Variants in SMCO3 observed in about 807,000 individuals in gnomAD.
The protein encoded by SMCO3 is single-pass membrane and coiled-coil domain-containing protein 3.
In SMCO3, 6 loss-of-function variants were observed where a neutral mutation model predicts 12.0. The ratio of observed to expected loss-of-function variants is 0.50; its 90% CI spans 0.27 to 0.99. The LOEUF (loss-of-function observed/expected upper bound fraction) is 0.99, where lower values mean the gene tolerates loss of function less well. SMCO3 is among the 50% of genes least tolerant of loss of function. The pLI is 0.11. For missense variants in SMCO3, 279 were observed against 265.0 expected (o/e 1.05, Z -0.37); for synonymous variants, 96 against 96.4 (o/e 1.00, Z 0.02).
chr12:14,806,823 C>T (rs1285194771), intron 1 of SMCO3, 127 bp from the exon 2 acceptor site: 1 of 850,036 alleles, frequency 1.2e-6, no homozygotes, highest in South Asian at 1.8e-5. Flanking sequence ...AGGATAATTC[C>T]TCAGAACACT....
chr12:14,806,758 A>C, intron 1 of SMCO3, 62 bp from the exon 2 acceptor site: 1 of 1,409,354 alleles, frequency 7.1e-7, no homozygotes, highest in Non-Finnish European at 9.6e-7. Context: ...AACTGTGTAG[A>C]AGGGACTAGG....
chr12:14,813,474 T>C (rs1255310423), intron 1 of SMCO3, among the ~76,000 whole-genome samples: 9 of 152,228 alleles, frequency 5.9e-5, no homozygotes. Context: ...ATATACTTTC[T>C]GATATAAATT....
intron 1 of SMCO3, among the ~76,000 whole-genome samples, chr12:14,812,184 C>G (rs1375291013): frequency 6.6e-6 from 1 of 152,244 alleles, no homozygotes; most frequent in African/African-American, 2.4e-5. Context: ...GTGGCTCACG[C>G]CTGTAATCCG....
rs780538890 is a variant in SMCO3, at chr12:14,806,016, T to C, written c.665A>G (p.His222Arg). Residue 222 changes from histidine (H) to arginine (R), a missense_variant, in exon 2 of 2, where the codon CAC becomes CGC. Coordinates refer to ENST00000316048, the MANE Select transcript of SMCO3 (RefSeq NM_001013698.2). ...AITEVINTVK[H>R]QMK ...TAAAACGGCTGTTCATTTCATTTGG[T>C]GTTTCACTGTATTGATGACCTCAGT... 1 of 1,605,320 alleles carries C rather than the reference T, an allele frequency of 6.2e-7. No individual in the cohort carries two copies. Among genetic ancestry groups the C allele is most frequent in the Non-Finnish European group, 8.5e-7 (1 of 1,175,046 alleles).
chr12:14,807,492 A>G (rs1043409924), intron 1 of SMCO3, among the ~76,000 whole-genome samples: 2 of 152,314 alleles, frequency 1.3e-5, no homozygotes, highest in South Asian at 4.1e-4. Context: ...CTAAATTTAC[A>G]GGGCTGTTTT....
chr12:14,810,808 T>C (rs1466989976), intron 1 of SMCO3, among the ~76,000 whole-genome samples: 4 of 152,186 alleles, frequency 2.6e-5, no homozygotes, highest in Non-Finnish European at 4.4e-5. Flanking sequence ...TGCAGTATTT[T>C]CGCTATTGCC....
At chr12:14,806,975 G>A (rs1056356461) in intron 1 of SMCO3, among the ~76,000 whole-genome samples, 1 of 152,140 alleles carries the variant, frequency 6.6e-6, no homozygotes, top group African/African-American at 2.4e-5. Context: ...GGGATTACAG[G>A]CATACACTGC....
chr12:14,814,003 CT>C (rs1950180330), intron 1 of SMCO3, 122 bp downstream of exon 1: 1 of 152,192 alleles, frequency 6.6e-6, no homozygotes, highest in Admixed American at 6.5e-5. Context: ...TATAACAAAG[CT>C]GTTTTTTTAC....
In SMCO3 at chr12:14,805,852, T is replaced by G; in HGVS notation, c.*151A>C. ...TTGACTCAAAACTCATCTAGTCATC[T>G]AGTCTTGGCATCTCCAGTTTCCCTC... On this transcript the variant is annotated 3_prime_UTR_variant, in exon 2 of 2. Coordinates refer to ENST00000316048, the MANE Select transcript of SMCO3 (RefSeq NM_001013698.2). The G allele has an allele frequency of 1.3e-6, 1 of 778,994 alleles. No individual in the cohort carries two copies. Among genetic ancestry groups the G allele is most frequent in the Non-Finnish European group, 2.0e-6 (1 of 497,716 alleles). 48.3% of individuals were successfully genotyped at this position (778,994 alleles called of 1,614,324 possible). A position where few individuals can be genotyped will look rare whatever the true frequency, so the allele number is the denominator to read the frequency against.
At chr12:14,808,639 AAG>A (rs1226610050) in intron 1 of SMCO3, among the ~76,000 whole-genome samples, 2 of 152,204 alleles carry the variant, frequency 1.3e-5, no homozygotes, top group Non-Finnish European at 2.9e-5. Context: ...GGCAACGGAA[AAG>A]AGAAAATTTT....
At chr12:14,807,470 A>G (rs946327071) in intron 1 of SMCO3, among the ~76,000 whole-genome samples, 4 of 152,280 alleles carry the variant, frequency 2.6e-5, no homozygotes, top group Admixed American at 2.0e-4. Flanking sequence ...GGCCAGATAA[A>G]TATTAACATC....
chr12:14,806,750 CTG>C (rs1248868486), intron 1 of SMCO3, 54 bp from the exon 2 acceptor site: 9 of 1,466,176 alleles, frequency 6.1e-6, no homozygotes, highest in Non-Finnish European at 7.4e-6. Flanking sequence ...TGTCTGCTAA[CTG>C]TGTAGAAGGG....
intron 1 of SMCO3, among the ~76,000 whole-genome samples, chr12:14,812,443 CAA>C (rs1260022264): frequency 2.2e-5 from 3 of 138,776 alleles, no homozygotes; most frequent in Admixed American, 7.2e-5. Flanking sequence ...GACTCCGTCT[CAA>C]AAAAAAAAAA....
At chr12:14,811,652 A>G (rs1007868018) in intron 1 of SMCO3, among the ~76,000 whole-genome samples, 4 of 152,232 alleles carry the variant, frequency 2.6e-5, no homozygotes, top group Non-Finnish European at 5.9e-5. Context: ...AAATATGCTG[A>G]TAATTGTGTC....
intron 1 of SMCO3, among the ~76,000 whole-genome samples, chr12:14,813,562 G>T (rs1950172993): frequency 6.6e-6 from 1 of 152,244 alleles, no homozygotes; most frequent in African/African-American, 2.4e-5. Flanking sequence ...CACTGGTGAA[G>T]CCTCTACTGT....
At chr12:14,811,354 C>A (rs1398865469) in intron 1 of SMCO3, among the ~76,000 whole-genome samples, 2 of 152,086 alleles carry the variant, frequency 1.3e-5, no homozygotes, top group African/African-American at 4.8e-5. Context: ...TGGACTGGAG[C>A]AGCTGTGCTT....
rs1950043778 is a variant in SMCO3, at chr12:14,806,082, A to G, written c.599T>C (p.Val200Ala). 1 of 1,614,034 alleles carries G rather than the reference A, an allele frequency of 6.2e-7. No individual in the cohort carries two copies. The highest frequency in any genetic ancestry group is 1.1e-5 in the South Asian group (1 of 91,086). The change falls in exon 2 of 2, where the codon GTG becomes GCG. Residue 200 changes from valine to alanine, a missense_variant. Transcript: ENST00000316048. Reference sequence around the variant, plus strand: ...TTTTTCTGAGGCTGATTTGAACTCCACCAGATGCTTCTCATAACTTTTGAT... The same window carrying G: ...TTTTTCTGAGGCTGATTTGAACTCCGCCAGATGCTTCTCATAACTTTTGAT... Reference protein sequence around the residue: ...AAIKSYEKHLVEFKSASEKYN... With the variant: ...AAIKSYEKHLAEFKSASEKYN...
At position 14,805,840 on chromosome 12, in the gene SMCO3, C is replaced by T. The variant is rs1181172374; in HGVS notation, c.*163G>A. On this transcript the variant is annotated 3_prime_UTR_variant, in exon 2 of 2. Transcript: ENST00000316048. Reference sequence around the variant, plus strand: ...ATCCAGGCATTGTTGACTCAAAACTCATCTAGTCATCTAGTCTTGGCATCT... The same window carrying T: ...ATCCAGGCATTGTTGACTCAAAACTTATCTAGTCATCTAGTCTTGGCATCT... 1 of 733,126 alleles carries T rather than the reference C, an allele frequency of 1.4e-6. No homozygotes were observed. Among genetic ancestry groups the T allele is most frequent in the East Asian group, 2.7e-5 (1 of 36,766 alleles). 45.4% of individuals were successfully genotyped at this position (733,126 alleles called of 1,614,324 possible). A position where few individuals can be genotyped will look rare whatever the true frequency, so the allele number is the denominator to read the frequency against.
intron 1 of SMCO3, among the ~76,000 whole-genome samples, chr12:14,808,525 T>C (rs1950089211): frequency 6.6e-6 from 1 of 152,230 alleles, no homozygotes; most frequent in South Asian, 2.1e-4. Context: ...CTTATTCTGC[T>C]TAAGGGGAAC....
Sources: allele counts gnomAD v4.1 joint callset (sites outside exome capture counted in the v4.1 genomes callset), GRCh38; gene constraint gnomAD v4.1.1; transcripts MANE v1.5; gene names NCBI Gene and HGNC (gene_info 2026-07-23, HGNC 2026-07-21).